Variants in TXNDC15 observed in about 807,000 individuals in gnomAD.
TXNDC15 encodes thioredoxin domain containing 15, also known as thioredoxin domain-containing protein 15.
TXNDC15 carries 24 observed loss-of-function variants against 35.0 expected under a neutral mutation model. The observed-to-expected ratio is 0.68, with a 90% CI of 0.50 to 0.96. The LOEUF (loss-of-function observed/expected upper bound fraction) is 0.96. Ranked by LOEUF, TXNDC15 falls within the 40% of genes least tolerant of loss-of-function variation. The pLI is 0.00. For missense variants in TXNDC15, 385 were observed against 453.3 expected (o/e 0.85, Z 1.37); for synonymous variants, 169 against 174.0 (o/e 0.97, Z 0.23).
intron 4 of TXNDC15, among the ~76,000 whole-genome samples, chr5:134,898,715 C>T (rs1750542489): frequency 6.6e-6 from 1 of 152,154 alleles, no homozygotes; most frequent in African/African-American, 2.4e-5. Flanking sequence ...GGAGTCAGAG[C>T]ATCTTTGGTA....
At chr5:134,892,190 GATGTTACT>G (rs1750402982) in intron 2 of TXNDC15, 1 of 151,090 alleles carries the variant, frequency 6.6e-6, no homozygotes, top group Non-Finnish European at 1.5e-5. Context: ...ATTGATCTTT[GATGTTACT>G]ATGTTGTAGC....
rs1440369327 is a variant in TXNDC15 at position 134,900,764 on chromosome 5, A to G, written c.*1079A>G. 6.6e-6 allele frequency: 1 copy of G among 152,262 alleles called. No individual in the cohort carries two copies. Among genetic ancestry groups the G allele is most frequent in the Non-Finnish European group, 1.5e-5 (1 of 68,100 alleles). 9.4% of individuals were successfully genotyped at this position (152,262 alleles called of 1,614,324 possible). A position where few individuals can be genotyped will look rare whatever the true frequency, so the allele number is the denominator to read the frequency against. ...GTCTAGTTCAAGACACATGTTTAGT[A>G]AAGAGACAACATGTAATTTAAACAA... On this transcript the variant is annotated 3_prime_UTR_variant, in exon 5 of 5. Coordinates refer to ENST00000358387, the MANE Select transcript of TXNDC15 (RefSeq NM_024715.4).
At chr5:134,884,475 C>T (rs1028399868) in intron 1 of TXNDC15, among the ~76,000 whole-genome samples, 5 of 151,550 alleles carry the variant, frequency 3.3e-5, no homozygotes, top group Admixed American at 2.6e-4. Context: ...CTCGAACTCC[C>T]GACCTCAGGT....
chr5:134,888,269 T>C, intron 2 of TXNDC15, 87 bp downstream of exon 2: 1 of 1,302,216 alleles, frequency 7.7e-7, no homozygotes, highest in Non-Finnish European at 1.1e-6. Context: ...TGGAAAATCA[T>C]GATCTTGATC....
At chr5:134,895,448 T>C (rs1223087131) in intron 3 of TXNDC15, among the ~76,000 whole-genome samples, 1 of 152,170 alleles carries the variant, frequency 6.6e-6, no homozygotes, top group African/African-American at 2.4e-5. Context: ...CTCCTGCCTC[T>C]CCCGCAACTC....
In TXNDC15 at chr5:134,883,692, C is replaced by T. The variant is rs185067594; in HGVS notation, c.104-4003C>T. On this transcript the variant is annotated intron_variant, in intron 1 of 4. Transcript: ENST00000358387. The stretch of plus-strand genomic sequence containing the variant: ...CTTTGGGAGGCTGAGGCAGGCAGAT[C>T]ACTTGGGGCCAGGAGTTTGAGACCA... Among the ~76,000 whole-genome samples, 12 of 150,686 alleles carry T rather than the reference C, an allele frequency of 8.0e-5. No individual in the cohort carries two copies. In the East Asian group the frequency reaches 2.4e-3, roughly 30 times the overall value.
In TXNDC15 at chr5:134,874,389, C is replaced by T. The variant is rs750352565; in HGVS notation, c.-39C>T. Reference sequence around the variant, plus strand: ...AGCCTTCCTCCGGCTGGCAGCACGACTCGCGTAGCCGTGCGCCGATTGCCT... The same window carrying T: ...AGCCTTCCTCCGGCTGGCAGCACGATTCGCGTAGCCGTGCGCCGATTGCCT... On this transcript the variant is annotated 5_prime_UTR_variant, in exon 1 of 5. Transcript: ENST00000358387. The T allele has an allele frequency of 6.5e-7, 1 of 1,531,544 alleles. No individual in the cohort carries two copies. Among genetic ancestry groups the T allele is most frequent in the Non-Finnish European group, 8.8e-7 (1 of 1,141,114 alleles). 94.9% of individuals were successfully genotyped at this position (1,531,544 alleles called of 1,614,324 possible). A position where few individuals can be genotyped will look rare whatever the true frequency, so the allele number is the denominator to read the frequency against.
At position 134,893,751 on chromosome 5, in the gene TXNDC15, G is replaced by T; in HGVS notation, c.755+96G>T. Reference sequence around the variant, plus strand: ...AGTTAAGTTAGAAGCAGAAGAGGGGGGGCATGAACTGTGTCCTGGGATGGA... The same window carrying T: ...AGTTAAGTTAGAAGCAGAAGAGGGGTGGCATGAACTGTGTCCTGGGATGGA... On this transcript the variant is annotated intron_variant, in intron 3 of 4. Transcript: ENST00000358387. 2.0e-6 allele frequency: 3 copies of T among 1,500,606 alleles called. No homozygotes were observed. The South Asian group carries it at 3.5e-5, about 18-fold the overall frequency. The allele number at this position is 1,500,606 out of a possible 1,614,324, so 93.0% of individuals were successfully genotyped here.
At position 134,893,597 on chromosome 5, in the gene TXNDC15, C is replaced by T; in HGVS notation, c.697C>T (p.Leu233=). 6.2e-7 allele frequency: 1 copy of T among 1,614,234 alleles called. No homozygotes were observed. Among genetic ancestry groups the T allele is most frequent in the Non-Finnish European group, 8.5e-7 (1 of 1,180,048 alleles). The change falls in exon 3 of 5, where the codon CTG becomes TTG. Residue 233 remains leucine (L), a synonymous_variant. Transcript: ENST00000358387. ...CAGTTTGGCCCCTCACTTTAACTCT[C>T]TGCCCCGGGCATTTCCAGCTCTTCA... ...SASLAPHFNS[L]PRAFPALHFL... is the part of the protein sequence containing the mutation.
intron 1 of TXNDC15, among the ~76,000 whole-genome samples, chr5:134,884,899 T>C (rs1750244406): frequency 6.6e-6 from 1 of 151,860 alleles, no homozygotes; most frequent in South Asian, 2.1e-4. Flanking sequence ...GAATGCTGGA[T>C]ATTTTAGATT....
At chr5:134,881,663 T>C (rs1220957260) in intron 1 of TXNDC15, among the ~76,000 whole-genome samples, 12 of 141,344 alleles carry the variant, frequency 8.5e-5, no homozygotes, top group East Asian at 2.2e-4. Context: ...TCCACAAAAC[T>C]GCCATTGTCA....
chr5:134,880,798 T>A (rs570268847), intron 1 of TXNDC15, among the ~76,000 whole-genome samples: 1 of 152,104 alleles, frequency 6.6e-6, no homozygotes, highest in African/African-American at 2.4e-5. Context: ...TTGCTTTGTT[T>A]CCAGTGAGAA....
Position 134,899,545 on chromosome 5 carries a change from C to A in TXNDC15, c.943C>A (p.Pro315Thr), listed in dbSNP as rs776199501. Residue 315 changes from proline to threonine, a missense_variant, in exon 5 of 5, where the codon CCC becomes ACC. Transcript: ENST00000358387. ...VTQADQIGPL[P>T]STLIKSVDWL... ...TCAAGCCGACCAAATAGGCCCTCTT[C>A]CCAGCACTTTGATAAAAAGTGTGGA... 1 of 1,613,978 alleles carries A rather than the reference C, an allele frequency of 6.2e-7. No individual in the cohort carries two copies. Among genetic ancestry groups the A allele is most frequent in the Non-Finnish European group, 8.5e-7 (1 of 1,179,984 alleles).
intron 1 of TXNDC15, among the ~76,000 whole-genome samples, chr5:134,875,575 C>T (rs1750018176): frequency 1.3e-5 from 2 of 151,252 alleles, no homozygotes; most frequent in Admixed American, 6.6e-5. Context: ...TGGCTCCCTG[C>T]AGCCTTGAAC....
chr5:134,875,260 C>A (rs907173523), intron 1 of TXNDC15: 1 of 456,034 alleles, frequency 2.2e-6, no homozygotes, highest in African/African-American at 2.0e-5. Context: ...GCTCCTTCAC[C>A]CCACTCCTCA....
At chr5:134,877,395 G>A (rs772355769) in intron 1 of TXNDC15, among the ~76,000 whole-genome samples, 1 of 152,140 alleles carries the variant, frequency 6.6e-6, no homozygotes, top group South Asian at 2.1e-4. Context: ...TTTTAGCAGG[G>A]GAGTGACATG....
At chr5:134,875,096 G>T (rs1458831443) in intron 1 of TXNDC15, 1 of 456,068 alleles carries the variant, frequency 2.2e-6, no homozygotes, top group Non-Finnish European at 4.4e-6. Context: ...CACGCTGCTG[G>T]ACCACTGTCT....
intron 1 of TXNDC15, 88 bp from the exon 2 acceptor site, chr5:134,887,607 A>G (rs1750300449): frequency 1.3e-6 from 2 of 1,496,056 alleles, no homozygotes; most frequent in African/African-American, 1.4e-5. Context: ...CCAGAGGGGA[A>G]AATTTCGTGT....
chr5:134,875,179 C>T (rs1750007282), intron 1 of TXNDC15: 1 of 456,188 alleles, frequency 2.2e-6, no homozygotes, highest in Admixed American at 2.3e-5. Flanking sequence ...CGGTAACCCC[C>T]AACTTGCCGG....
Sources: allele counts gnomAD v4.1 joint callset (sites outside exome capture counted in the v4.1 genomes callset), GRCh38; gene constraint gnomAD v4.1.1; transcripts MANE v1.5; gene names NCBI Gene and HGNC (gene_info 2026-07-23, HGNC 2026-07-21).